The following NBEA variants were observed in gnomAD, a reference collection of about 807,000 sequenced individuals.
NBEA encodes neurobeachin, also known as lysosomal-trafficking regulator 2.
Under a neutral mutation model 343.4 loss-of-function variants are expected in NBEA, and 44 were observed. The ratio of observed to expected loss-of-function variants is 0.13; its 90% CI spans 0.10 to 0.16. The LOEUF (loss-of-function observed/expected upper bound fraction) is 0.16. Ranked by LOEUF, NBEA falls within the 10% of genes least tolerant of loss-of-function variation. The pLI is 1.00. For missense variants in NBEA, 2,555 were observed against 3,631.3 expected, an observed-to-expected ratio of 0.70 and a Z score of 7.62; for synonymous variants, 1,175 against 1,238.7, an observed-to-expected ratio of 0.95 and a Z score of 1.08.
intron 1 of NBEA, among the ~76,000 whole-genome samples, chr13:35,040,265 A>G (rs1335877223): frequency 6.6e-6 from 1 of 152,092 alleles, no homozygotes; most frequent in South Asian, 2.1e-4. Context: ...TACTGTACTT[A>G]AAATACCAAA....
At chr13:35,567,879 C>T (rs2080210352) in intron 45 of NBEA, among the ~76,000 whole-genome samples, 1 of 152,144 alleles carries the variant, frequency 6.6e-6, no homozygotes, top group South Asian at 2.1e-4. Context: ...TAAAATTAAT[C>T]CCACAGATGG....
chr13:35,475,165 T>A, intron 41 of NBEA: 1 of 1,613,986 alleles, frequency 6.2e-7, no homozygotes, highest in Non-Finnish European at 8.5e-7. Flanking sequence ...TTGAAACAGA[T>A]CTAAGTTCGG....
chr13:35,181,820 A>T (rs2152730502), intron 28 of NBEA, among the ~76,000 whole-genome samples: 1 of 151,908 alleles, frequency 6.6e-6, no homozygotes, highest in South Asian at 2.1e-4. Flanking sequence ...TGCCATAATC[A>T]TACTTCTGGC....
chr13:35,482,926 A>T (rs1201732289), intron 41 of NBEA, among the ~76,000 whole-genome samples: 1 of 151,858 alleles, frequency 6.6e-6, no homozygotes, highest in African/African-American at 2.4e-5. Flanking sequence ...TTTTATGATT[A>T]ATGTATAAAT....
chr13:35,392,957 G>A (rs2042577612), intron 38 of NBEA, among the ~76,000 whole-genome samples: 1 of 152,136 alleles, frequency 6.6e-6, no homozygotes, highest in African/African-American at 2.4e-5. Context: ...ACATTCCATT[G>A]GGAATTATTT....
At chr13:35,632,650 A>T (rs1243708752) in intron 49 of NBEA, among the ~76,000 whole-genome samples, 1 of 152,066 alleles carries the variant, frequency 6.6e-6, no homozygotes, top group Non-Finnish European at 1.5e-5. Flanking sequence ...TCTGTCACCA[A>T]GGCTGAAGTG....
chr13:35,067,311 A>G (rs1168812109), intron 8 of NBEA, among the ~76,000 whole-genome samples: 2 of 152,052 alleles, frequency 1.3e-5, no homozygotes, highest in Admixed American at 1.3e-4. Context: ...CTTTGCTTCC[A>G]TCTACCTTCT....
chr13:35,197,171 G>A (rs1304510577), intron 31 of NBEA, among the ~76,000 whole-genome samples: 2 of 152,096 alleles, frequency 1.3e-5, no homozygotes, highest in South Asian at 2.1e-4. Context: ...TGGGGTTAAT[G>A]CCTATTCCAA....
intron 33 of NBEA, among the ~76,000 whole-genome samples, chr13:35,229,714 A>AT (rs1346936670): frequency 7.2e-5 from 11 of 152,032 alleles, no homozygotes; most frequent in Non-Finnish European, 1.5e-4. Context: ...CTTTTTTGGT[A>AT]TTTTTTGTAA....
intron 40 of NBEA, among the ~76,000 whole-genome samples, chr13:35,470,656 T>C (rs1201268617): frequency 2.0e-5 from 3 of 152,118 alleles, no homozygotes; most frequent in African/African-American, 7.2e-5. Context: ...AGAGAGAAGA[T>C]AGGAAAAGTG....
chr13:35,362,284 T>C (rs1252340355), intron 38 of NBEA, among the ~76,000 whole-genome samples: 1 of 151,966 alleles, frequency 6.6e-6, no homozygotes, highest in South Asian at 2.1e-4. Context: ...TAAATTGGAT[T>C]AGCTTTCTCT....
chr13:35,476,775 C>G, intron 41 of NBEA: 1 of 1,037,622 alleles, frequency 9.6e-7, no homozygotes, highest in South Asian at 3.9e-5. Flanking sequence ...GTCACGACAG[C>G]CTCCTTCAGC....
In NBEA at chr13:35,182,539, T is replaced by C; in HGVS notation, c.4831+11T>C. ...CACCAACAAGTACAGGTACTTAACA[T>C]TGTATAATTATTTGAATTTTCACCA... On this transcript the variant is annotated intron_variant, in intron 29 of 58. Coordinates refer to ENST00000379939, the MANE Select transcript of NBEA (RefSeq NM_001385012.1). The C allele has an allele frequency of 1.3e-6, 2 of 1,595,546 alleles. No individual in the cohort carries two copies. The highest frequency in any genetic ancestry group is 1.7e-6 in the Non-Finnish European group (2 of 1,171,780).
At chr13:34,968,011 A>G (rs999123239) in intron 1 of NBEA, among the ~76,000 whole-genome samples, 1 of 152,110 alleles carries the variant, frequency 6.6e-6, no homozygotes, top group African/African-American at 2.4e-5. Context: ...CCACAAATTC[A>G]GAGGTTCCCA....
intron 1 of NBEA, among the ~76,000 whole-genome samples, chr13:35,011,222 A>G (rs568232802): frequency 6.6e-6 from 1 of 152,232 alleles, no homozygotes; most frequent in African/African-American, 2.4e-5. Flanking sequence ...TTTCATCAAT[A>G]AGAGTAAGAA....
chr13:35,298,122 T>C (rs907668385), intron 35 of NBEA, among the ~76,000 whole-genome samples: 1 of 149,584 alleles, frequency 6.7e-6, no homozygotes, highest in Non-Finnish European at 1.5e-5. Context: ...TACAGTAAAA[T>C]AAGCTAGAGA....
intron 35 of NBEA, among the ~76,000 whole-genome samples, chr13:35,298,845 CATTCATTA>C (rs2036339319): frequency 6.6e-6 from 1 of 151,928 alleles, no homozygotes; most frequent in Non-Finnish European, 1.5e-5. Flanking sequence ...TTGAATTGAT[CATTCATTA>C]TTCATTTCTT....
chr13:34,995,324 G>T (rs560938868), intron 1 of NBEA, among the ~76,000 whole-genome samples: 1 of 151,988 alleles, frequency 6.6e-6, no homozygotes, highest in East Asian at 1.9e-4. Flanking sequence ...TGGCATGGTG[G>T]CATGCACCTG....
At chr13:35,614,753 A>T (rs1178311047) in intron 48 of NBEA, among the ~76,000 whole-genome samples, 1 of 152,208 alleles carries the variant, frequency 6.6e-6, no homozygotes, top group Admixed American at 6.5e-5. Flanking sequence ...GGCTGGCCTA[A>T]GGCATTCTTC....
Sources: allele counts gnomAD v4.1 joint callset (sites outside exome capture counted in the v4.1 genomes callset), GRCh38; gene constraint gnomAD v4.1.1; transcripts MANE v1.5; gene names NCBI Gene and HGNC (gene_info 2026-07-23, HGNC 2026-07-21).